HELZ: variants seen among roughly 807,000 people sequenced by gnomAD.
HELZ encodes helicase with zinc finger.
In HELZ, 23 loss-of-function variants were observed where a neutral mutation model predicts 218.2. The ratio of observed to expected loss-of-function variants is 0.11; its 90% confidence interval spans 0.08 to 0.15. The LOEUF (loss-of-function observed/expected upper bound fraction) is 0.15. Ranked by LOEUF, HELZ falls within the 10% of genes least tolerant of loss-of-function variation. The pLI is 1.00. For missense variants in HELZ, 1,813 were observed against 2,353.7 expected (o/e 0.77, Z 4.75); for synonymous variants, 814 against 829.4 (o/e 0.98, Z 0.32).
chr17:67,235,576 T>A (rs974775269), intron 3 of HELZ, among the ~76,000 whole-genome samples: 1 of 151,326 alleles, frequency 6.6e-6, no homozygotes, highest in Admixed American at 6.6e-5. Flanking sequence ...AGTGTCCTGC[T>A]TCAACCCAGC....
chr17:67,166,092 G>A (rs1385374877), intron 15 of HELZ, among the ~76,000 whole-genome samples: 1 of 152,130 alleles, frequency 6.6e-6, no homozygotes, highest in Non-Finnish European at 1.5e-5. Context: ...CAATGATCAT[G>A]CCACTACACT....
At chr17:67,150,080 T>C (rs565333704) in intron 18 of HELZ, 95 bp from the exon 19 acceptor site, 1 of 708,646 alleles carries the variant, frequency 1.4e-6, no homozygotes, top group Non-Finnish European at 2.5e-6. Context: ...GTAAAGAGTT[T>C]AGTTTGCTAA....
At chr17:67,148,172 A>T (rs924432836) in intron 20 of HELZ, among the ~76,000 whole-genome samples, 4 of 152,158 alleles carry the variant, frequency 2.6e-5, no homozygotes, top group Non-Finnish European at 4.4e-5. Flanking sequence ...CTAAGCCCTC[A>T]ACCTGTGGGA....
At chr17:67,090,818 CAACT>C (rs2036554188) in intron 31 of HELZ, among the ~76,000 whole-genome samples, 1 of 152,066 alleles carries the variant, frequency 6.6e-6, no homozygotes, top group Non-Finnish European at 1.5e-5. Context: ...TCTTTCCGAA[CAACT>C]AACTGGGTTT....
intron 13 of HELZ, among the ~76,000 whole-genome samples, chr17:67,172,505 C>T (rs1459282088): frequency 6.6e-6 from 1 of 152,200 alleles, no homozygotes; most frequent in South Asian, 2.1e-4. Flanking sequence ...TCCCAAGCAC[C>T]ATATTCCCAC....
intron 23 of HELZ, among the ~76,000 whole-genome samples, chr17:67,129,506 A>G (rs1356469677): frequency 2.0e-5 from 3 of 152,152 alleles, no homozygotes; most frequent in African/African-American, 7.2e-5. Context: ...CATAAATTTG[A>G]GTCACAAAGT....
Position 67,071,568 on chromosome 17 carries a change from C to G in HELZ, c.*6684G>C, listed in dbSNP as rs2035885603. On this transcript the variant is annotated 3_prime_UTR_variant, in exon 33 of 33. Transcript: ENST00000358691. ...ACCTAAGTCATTCTGTATTCTATTA[C>G]CATAAAAATAGCTTTTTTTTGTCTT... 1 of 152,128 alleles carries G rather than the reference C, an allele frequency of 6.6e-6. No individual in the cohort carries two copies. The highest frequency in any genetic ancestry group is 2.4e-5 in the African/African-American group (1 of 41,426). The allele number at this position is 152,128 out of a possible 1,614,324, so 9.4% of individuals were successfully genotyped here.
At chr17:67,243,243 C>T (rs947698047) in intron 2 of HELZ, among the ~76,000 whole-genome samples, 1 of 152,152 alleles carries the variant, frequency 6.6e-6, no homozygotes, top group South Asian at 2.1e-4. Context: ...GATCTCAACA[C>T]TATCATCTTT....
intron 3 of HELZ, among the ~76,000 whole-genome samples, chr17:67,229,814 A>C (rs1396152150): frequency 2.0e-5 from 3 of 152,226 alleles, no homozygotes; most frequent in Admixed American, 2.0e-4. Flanking sequence ...TACTGTACTT[A>C]ATATTCAGCC....
At chr17:67,111,724 CACG>C (rs1436453605) in intron 28 of HELZ, among the ~76,000 whole-genome samples, 14 of 152,170 alleles carry the variant, frequency 9.2e-5, no homozygotes, top group African/African-American at 3.1e-4. Flanking sequence ...AAGTGAGAAG[CACG>C]ACAATTCTAT....
At chr17:67,191,763 C>CT (rs71139120) in intron 9 of HELZ, among the ~76,000 whole-genome samples, 20,790 of 132,388 alleles carry the variant, frequency 0.16, 1,990 homozygotes, top group Non-Finnish European at 0.23. Context: ...TGATCATTAA[C>CT]TTTTTTTTTT....
chr17:67,173,865 T>C (rs1182068747), intron 13 of HELZ, among the ~76,000 whole-genome samples: 1 of 152,042 alleles, frequency 6.6e-6, no homozygotes, highest in Non-Finnish European at 1.5e-5. Context: ...GTGCACCCCA[T>C]ACTAGGCCTG....
At chr17:67,200,973 TG>T (rs980743811) in intron 7 of HELZ, 155 bp downstream of exon 7, 2 of 671,350 alleles carry the variant, frequency 3.0e-6, no homozygotes, top group African/African-American at 3.5e-5. Context: ...CTGTGGGTTA[TG>T]GGGGTTACGA....
At chr17:67,174,199 T>TAA (rs78852445) in intron 13 of HELZ, among the ~76,000 whole-genome samples, 2 of 135,444 alleles carry the variant, frequency 1.5e-5, no homozygotes, top group African/African-American at 2.7e-5. Flanking sequence ...AATCATCCTT[T>TAA]AAAAAAAAAA....
chr17:67,152,681 G>T (rs930109780), intron 17 of HELZ, among the ~76,000 whole-genome samples: 1 of 150,930 alleles, frequency 6.6e-6, no homozygotes, highest in Non-Finnish European at 1.5e-5. Flanking sequence ...TGGAGTTCAG[G>T]AGAATGCCTG....
rs199849954 is a variant in HELZ, at chr17:67,148,075, G to A, written c.2621+494C>T. ...AGTGAACCCAAAGACCCAAAAAGAGGGTCGCAGGACCCTCAACTTGAAGCC... is the reference window on the plus strand; with the variant it reads ...AGTGAACCCAAAGACCCAAAAAGAGAGTCGCAGGACCCTCAACTTGAAGCC... On this transcript the variant is annotated intron_variant, in intron 20 of 32. Coordinates refer to ENST00000358691, the MANE Select transcript of HELZ (RefSeq NM_014877.4). Among the ~76,000 whole-genome samples the A allele has an allele frequency of 2.0e-5, 3 of 152,188 alleles. No homozygotes were observed. The East Asian group carries it at 5.8e-4, about 29-fold the overall frequency.
Position 67,180,738 on chromosome 17 carries a change from C to T in HELZ, c.1163-1812G>A, listed in dbSNP as rs1192396325. On this transcript the variant is annotated intron_variant, in intron 12 of 32. Coordinates refer to ENST00000358691, the MANE Select transcript of HELZ (RefSeq NM_014877.4). ...ACTAAAATACAAGAAATTAGCTGGGCGTGGTGGCGGGTGCCTGTAGTCCCA... is the reference window on the plus strand; with the variant it reads ...ACTAAAATACAAGAAATTAGCTGGGTGTGGTGGCGGGTGCCTGTAGTCCCA... Among the ~76,000 whole-genome samples, 6 of 152,072 alleles carry T rather than the reference C, an allele frequency of 3.9e-5. No individual in the cohort carries two copies. The East Asian group carries it at 5.8e-4, about 15-fold the overall frequency.
rs761746760 is a variant in HELZ at position 67,203,315 on chromosome 17, A to AT, written c.372+3dup. 4 of 1,613,788 alleles carry AT rather than the reference A, an allele frequency of 2.5e-6. No individual in the cohort carries two copies. The East Asian group carries it at 8.9e-5, about 36-fold the overall frequency. ...GCATACAAAATTAGAGCTTATCAAC[A>AT]TACCAGGGACTCTCCTGTGAGTGAC... On this transcript the variant is annotated splice_donor_region_variant and intron_variant, in intron 6 of 32. Transcript: ENST00000358691.
chr17:67,151,042 A>C lies in HELZ; in HGVS notation c.2356+4T>G. The C allele has an allele frequency of 6.2e-7, 1 of 1,612,740 alleles. No homozygotes were observed. Among genetic ancestry groups the C allele is most frequent in the African/African-American group, 1.3e-5 (1 of 75,022 alleles). On this transcript the variant is annotated splice_donor_region_variant and intron_variant, in intron 18 of 32. Transcript: ENST00000358691. ...TTGTGAGACTGTGTCTTGAGTCAGC[A>C]TACCAGGTTCAAGGTCCAACTGACA...
Sources: gnomAD v4.1 joint callset for allele counts (sites outside exome capture counted in the v4.1 genomes callset) on GRCh38, gnomAD v4.1.1 for gene constraint, MANE v1.5 for transcripts, NCBI Gene and HGNC (gene_info 2026-07-23, HGNC 2026-07-21) for gene names.